DNM3: variants seen among roughly 807,000 people sequenced by gnomAD.
DNM3 encodes the protein dynamin 3.
In DNM3, 47 loss-of-function variants were observed where a neutral mutation model predicts 101.6. The ratio of observed to expected loss-of-function variants is 0.46; its 90% confidence interval spans 0.37 to 0.59. DNM3 has a LOEUF of 0.59. Among genes scored for constraint, DNM3 ranks in the 20% least tolerant of loss-of-function variants. DNM3 has a pLI of 0.00. For missense variants in DNM3, 849 were observed against 1,085.7 expected, an observed-to-expected ratio of 0.78 and a Z score of 3.06; for synonymous variants, 385 against 387.9, an observed-to-expected ratio of 0.99 and a Z score of 0.09.
At position 172,033,157 on chromosome 1, in the gene DNM3, C is replaced by A. The variant is rs1256117280; in HGVS notation, c.741C>A (p.Asp247Glu). ...AGAAGGACATAGATGGGAAGAAGGA[C>A]ATAAAGGCAGCCATGCTGGCAGAGA... ...RSQKDIDGKKDIKAAMLAERK... is the reference protein window; with the variant it reads ...RSQKDIDGKKEIKAAMLAERK... The change falls in exon 6 of 21, where the codon GAC (aspartate) becomes GAA (glutamate). Residue 247 changes from aspartate to glutamate, a missense_variant. Physicochemically the swap from Asp to Glu is conservative, Grantham distance 45. Transcript: ENST00000627582. 6.2e-7 allele frequency: 1 copy of A among 1,612,376 alleles called. No individual in the cohort carries two copies. Among genetic ancestry groups the A allele is most frequent in the South Asian group, 1.1e-5 (1 of 90,690 alleles).
chr1:171,890,021 A>C (rs1222790391), intron 1 of DNM3, among the ~76,000 whole-genome samples: 1 of 152,178 alleles, frequency 6.6e-6, no homozygotes, highest in Non-Finnish European at 1.5e-5. Flanking sequence ...ACAGATTTGT[A>C]GTGATATCAA....
chr1:171,845,743 ATTGT>A (rs1249727127), intron 1 of DNM3, among the ~76,000 whole-genome samples: 1 of 152,166 alleles, frequency 6.6e-6, no homozygotes, highest in Admixed American at 6.5e-5. Flanking sequence ...ATGTAATTGG[ATTGT>A]TTATTTAAGT....
intron 15 of DNM3, among the ~76,000 whole-genome samples, chr1:172,284,290 A>C (rs981576408): frequency 6.6e-6 from 1 of 152,216 alleles, no homozygotes. Context: ...TAATTGTTAA[A>C]ATGATGAAAC....
Position 172,041,993 on chromosome 1 carries a change from T to C in DNM3, c.993-16T>C. On this transcript the variant is annotated splice_polypyrimidine_tract_variant and intron_variant, in intron 7 of 20. Transcript: ENST00000627582. Reference sequence around the variant, plus strand: ...TGTAACTTTGACTTGAATCTATTTCTCTTTAACAATTACAGGATGGTTCAG... The same window carrying C: ...TGTAACTTTGACTTGAATCTATTTCCCTTTAACAATTACAGGATGGTTCAG... 1 of 1,567,616 alleles carries C rather than the reference T, an allele frequency of 6.4e-7. No individual in the cohort carries two copies. The highest frequency in any genetic ancestry group is 2.1e-5 in the Admixed American group (1 of 47,100).
intron 13 of DNM3, 64 bp downstream of exon 13, chr1:172,092,939 T>C: frequency 2.1e-6 from 3 of 1,412,978 alleles, no homozygotes; most frequent in Non-Finnish European, 1.9e-6. Context: ...AATCGCTTGA[T>C]TGACTATTTT....
intron 18 of DNM3, among the ~76,000 whole-genome samples, chr1:172,382,569 T>G (rs544431680): frequency 6.6e-6 from 1 of 152,240 alleles, no homozygotes; most frequent in Non-Finnish European, 1.5e-5. Context: ...GTCTTCTCAC[T>G]CATAGTCTGA....
At chr1:172,320,802 G>A (rs927684545) in intron 16 of DNM3, among the ~76,000 whole-genome samples, 3 of 152,128 alleles carry the variant, frequency 2.0e-5, no homozygotes, top group African/African-American at 7.2e-5. Flanking sequence ...AAAGGCTGTC[G>A]GGAGCTGAGA....
intron 4 of DNM3, among the ~76,000 whole-genome samples, chr1:171,996,738 A>T (rs1356796072): frequency 6.6e-6 from 1 of 152,108 alleles, no homozygotes; most frequent in Non-Finnish European, 1.5e-5. Context: ...TATTATAAAG[A>T]TAATAATTGG....
intron 14 of DNM3, among the ~76,000 whole-genome samples, chr1:172,222,939 G>A (rs1375768182): frequency 6.6e-6 from 1 of 151,966 alleles, no homozygotes; most frequent in East Asian, 1.9e-4. Context: ...TTTTTTAAGT[G>A]TTATTTTGTT....
intron 14 of DNM3, among the ~76,000 whole-genome samples, chr1:172,213,421 G>A (rs1306542271): frequency 4.8e-5 from 7 of 146,416 alleles, no homozygotes; most frequent in African/African-American, 1.8e-4. Flanking sequence ...GGTTACATGG[G>A]AACATTCAGT....
chr1:171,859,982 G>A (rs777117478), intron 1 of DNM3, among the ~76,000 whole-genome samples: 20 of 152,184 alleles, frequency 1.3e-4, no homozygotes, highest in Non-Finnish European at 2.6e-4. Flanking sequence ...GAGAAATATA[G>A]CAAGGAAAGA....
chr1:172,405,323 T>A (rs764088533), intron 20 of DNM3, among the ~76,000 whole-genome samples: 8 of 152,038 alleles, frequency 5.3e-5, no homozygotes, highest in Non-Finnish European at 1.0e-4. Context: ...GGGACACTGG[T>A]AATAATCTAG....
intron 15 of DNM3, among the ~76,000 whole-genome samples, chr1:172,292,872 A>T (rs2063988511): frequency 6.6e-6 from 1 of 152,112 alleles, no homozygotes; most frequent in South Asian, 2.1e-4. Context: ...TTAACATATG[A>T]AAAAAAGTTT....
chr1:172,260,074 AG>A (rs1292900137), intron 15 of DNM3, among the ~76,000 whole-genome samples: 1 of 152,086 alleles, frequency 6.6e-6, no homozygotes, highest in African/African-American at 2.4e-5. Flanking sequence ...TCTTTCATTT[AG>A]GAAGGATAAT....
At chr1:172,177,224 GT>G (rs1186412456) in intron 14 of DNM3, among the ~76,000 whole-genome samples, 4 of 151,826 alleles carry the variant, frequency 2.6e-5, no homozygotes, top group African/African-American at 7.2e-5. Flanking sequence ...GTGGTCAACT[GT>G]GGTCCGAAAA....
At chr1:172,020,881 C>G (rs1270846235) in intron 4 of DNM3, among the ~76,000 whole-genome samples, 1 of 152,124 alleles carries the variant, frequency 6.6e-6, no homozygotes, top group African/African-American at 2.4e-5. Context: ...CCCTGAAGCT[C>G]ATCCACTCTG....
At chr1:172,081,179 T>G (rs774476254) in intron 11 of DNM3, among the ~76,000 whole-genome samples, 7 of 152,152 alleles carry the variant, frequency 4.6e-5, no homozygotes, top group Non-Finnish European at 8.8e-5. Context: ...TCACTGCAGC[T>G]TTGAACTCCT....
intron 2 of DNM3, among the ~76,000 whole-genome samples, chr1:171,934,092 C>A (rs1217078729): frequency 3.9e-5 from 6 of 152,158 alleles, no homozygotes; most frequent in Non-Finnish European, 1.5e-5. Context: ...TGCCTTTCTC[C>A]TAGTTGTGAT....
At chr1:172,306,826 G>A (rs572361594) in intron 15 of DNM3, among the ~76,000 whole-genome samples, 1 of 152,194 alleles carries the variant, frequency 6.6e-6, no homozygotes, top group African/African-American at 2.4e-5. Flanking sequence ...GTAGCCATAT[G>A]TAGAAATCTG....
Sources: gnomAD v4.1 joint callset for allele counts (sites outside exome capture counted in the v4.1 genomes callset) on GRCh38, gnomAD v4.1.1 for gene constraint, MANE v1.5 for transcripts, NCBI Gene and HGNC (gene_info 2026-07-23, HGNC 2026-07-21) for gene names.